TENM4: variants seen among roughly 807,000 people sequenced by gnomAD.
TENM4 encodes the protein teneurin-4.
A neutral mutation model predicts 243.3 loss-of-function variants in TENM4; 82 were observed. The ratio of observed to expected loss-of-function variants is 0.34; its 90% CI spans 0.28 to 0.40. The LOEUF is 0.40. Among genes scored for constraint, TENM4 ranks in the 10% least tolerant of loss-of-function variants. TENM4 has a pLI of 1.00. For synonymous variants in TENM4, 1,412 were observed against 1,456.3 expected, an observed-to-expected ratio of 0.97 and a Z score of 0.69; for missense variants, 3,138 against 3,673.3, an observed-to-expected ratio of 0.85 and a Z score of 3.77.
At chr11:78,990,952 C>T (rs1233378836) in intron 6 of TENM4, among the ~76,000 whole-genome samples, 1 of 152,170 alleles carries the variant, frequency 6.6e-6, no homozygotes, top group Non-Finnish European at 1.5e-5. Context: ...CAATAATGTT[C>T]TGCATCTGAA....
intron 3 of TENM4, among the ~76,000 whole-genome samples, chr11:79,167,893 A>C (rs1044985178): frequency 1.3e-5 from 2 of 152,246 alleles, no homozygotes; most frequent in Non-Finnish European, 2.9e-5. Flanking sequence ...GAGATTTAAA[A>C]AAATGAGTCA....
rs1859422019 is a variant in TENM4 at position 78,712,504 on chromosome 11, T to C, written c.4032A>G (p.Glu1344=). 6.2e-7 allele frequency: 1 copy of C among 1,613,982 alleles called. No homozygotes were observed. The highest frequency in any genetic ancestry group is 1.3e-5 in the African/African-American group (1 of 75,042). Residue 1344 remains glutamate (E), a synonymous_variant, in exon 26 of 34, where the codon GAA becomes GAG. Coordinates refer to ENST00000278550, the MANE Select transcript of TENM4 (RefSeq NM_001098816.3). ...TRCGDGGKAT[E]ATLTNPRGIT... ...TACCCCTGGGATTGGTGAGTGTGGC[T>C]TCTGTGGCCTTCCCACCATCCCCGC...
At chr11:79,035,182 T>G (rs1859346237) in intron 6 of TENM4, among the ~76,000 whole-genome samples, 1 of 152,190 alleles carries the variant, frequency 6.6e-6, no homozygotes, top group South Asian at 2.1e-4. Flanking sequence ...TCCCTTAACC[T>G]TGGGCAAGTT....
At chr11:78,902,629 T>C (rs974900159) in intron 7 of TENM4, among the ~76,000 whole-genome samples, 5 of 152,226 alleles carry the variant, frequency 3.3e-5, no homozygotes, top group African/African-American at 1.2e-4. Context: ...ATTATCATCC[T>C]AATACCCACT....
chr11:78,873,525 G>C (rs1225291433), intron 9 of TENM4, among the ~76,000 whole-genome samples: 2 of 152,162 alleles, frequency 1.3e-5, no homozygotes, highest in Admixed American at 1.3e-4. Context: ...ACCAAATTCA[G>C]ATCTGAGTTA....
chr11:78,957,929 A>C (rs1044955594), intron 6 of TENM4, among the ~76,000 whole-genome samples: 2 of 152,226 alleles, frequency 1.3e-5, no homozygotes, highest in African/African-American at 4.8e-5. Flanking sequence ...TACTAAGGAG[A>C]AGACAAAAGT....
rs78852631 is a variant in TENM4 at position 78,888,222 on chromosome 11, T to C, written c.1084+1563A>G. ...TCAATATTCTCCATTTCTGTGACCA[T>C]AACAGACATCACTAATCAATCACAG... On this transcript the variant is annotated intron_variant, in intron 9 of 33. Transcript: ENST00000278550. 4.5e-4 allele frequency among the ~76,000 whole-genome samples: 69 copies of C among 152,352 alleles called. 1 individual carries two copies. In the East Asian group the frequency reaches 0.012, roughly 27 times the overall value.
intron 1 of TENM4, among the ~76,000 whole-genome samples, chr11:79,439,541 A>T (rs1244027237): frequency 6.6e-6 from 1 of 152,104 alleles, no homozygotes; most frequent in Admixed American, 6.5e-5. Context: ...GGGCAGGCAG[A>T]GAAGGGGCGG....
chr11:79,212,946 T>C (rs1309193073), intron 3 of TENM4, among the ~76,000 whole-genome samples: 2 of 152,136 alleles, frequency 1.3e-5, no homozygotes, highest in Non-Finnish European at 2.9e-5. Context: ...CAGATGCTGT[T>C]CTGGTCCACT....
chr11:79,334,322 G>A (rs1348305095), intron 1 of TENM4, among the ~76,000 whole-genome samples: 3 of 152,158 alleles, frequency 2.0e-5, no homozygotes, highest in Admixed American at 1.3e-4. Context: ...CTGGATTGAG[G>A]CTGAGTGCCC....
intron 2 of TENM4, among the ~76,000 whole-genome samples, chr11:79,269,873 G>C (rs764421250): frequency 3.3e-5 from 5 of 152,170 alleles, no homozygotes; most frequent in Non-Finnish European, 7.3e-5. Context: ...TGATTTTAGA[G>C]TGTCTTTTAT....
At chr11:79,138,167 A>G (rs1486750105) in intron 4 of TENM4, among the ~76,000 whole-genome samples, 4 of 150,668 alleles carry the variant, frequency 2.7e-5, no homozygotes, top group African/African-American at 9.8e-5. Context: ...TCTTTCTCTC[A>G]TGCTGGATGC....
rs1382191791 is a variant in TENM4, at chr11:79,192,064, A to G, written c.-163+23744T>C. On this transcript the variant is annotated intron_variant, in intron 3 of 33. Coordinates refer to ENST00000278550, the MANE Select transcript of TENM4 (RefSeq NM_001098816.3). Reference sequence around the variant, plus strand: ...TGCCCAGCCAGGAGCCCCTCTGCCCAGCCAGCCGTCCCGTCCGGGAGGGAG... The same window carrying G: ...TGCCCAGCCAGGAGCCCCTCTGCCCGGCCAGCCGTCCCGTCCGGGAGGGAG... Among the ~76,000 whole-genome samples, 3 of 139,438 alleles carry G rather than the reference A, an allele frequency of 2.2e-5. No homozygotes were observed. In the South Asian group the frequency reaches 7.4e-4, roughly 34 times the overall value. The allele number at this position is 139,438 out of a possible 152,430, so 91.5% of individuals were successfully genotyped here. A position where few individuals can be genotyped will look rare whatever the true frequency, so the allele number is the denominator to read the frequency against.
At chr11:78,751,636 T>G (rs923796465) in intron 19 of TENM4, among the ~76,000 whole-genome samples, 2 of 152,178 alleles carry the variant, frequency 1.3e-5, no homozygotes, top group Admixed American at 1.3e-4. Flanking sequence ...CTGTCCAGCA[T>G]CGGCAACCTG....
chr11:78,830,030 G>A (rs1055253583), intron 12 of TENM4, among the ~76,000 whole-genome samples: 5 of 152,086 alleles, frequency 3.3e-5, no homozygotes, highest in South Asian at 2.1e-4. Context: ...TGTTTCTTCC[G>A]CCTACACCAC....
At chr11:79,189,792 G>A (rs1223642329) in intron 3 of TENM4, among the ~76,000 whole-genome samples, 13 of 152,244 alleles carry the variant, frequency 8.5e-5, no homozygotes, top group Admixed American at 8.5e-4. Flanking sequence ...AGAGAGGCCT[G>A]AGAGCGCAAC....
At chr11:79,102,509 C>T (rs148791816) in intron 4 of TENM4, among the ~76,000 whole-genome samples, 4 of 152,304 alleles carry the variant, frequency 2.6e-5, no homozygotes, top group Non-Finnish European at 4.4e-5. Flanking sequence ...TGAAAAATGA[C>T]CCACAGCCTT....
In TENM4 at chr11:79,139,813, T is replaced by TA. The variant is rs1491528560; in HGVS notation, c.-66+8896_-66+8897insT. Among the ~76,000 whole-genome samples, 10 of 87,930 alleles carry TA rather than the reference T, an allele frequency of 1.1e-4. No individual in the cohort carries two copies. In the East Asian group the frequency reaches 1.3e-3, roughly 12 times the overall value. The allele number at this position is 87,930 out of a possible 152,430, so 57.7% of individuals were successfully genotyped here. On this transcript the variant is annotated intron_variant, in intron 4 of 33. Coordinates refer to ENST00000278550, the MANE Select transcript of TENM4 (RefSeq NM_001098816.3). The stretch of plus-strand genomic sequence containing the variant: ...TATTTATATAAATATATAATATATA[T>TA]TTTATATTTATATATAATACATAGA...
intron 20 of TENM4, among the ~76,000 whole-genome samples, chr11:78,734,005 A>G (rs1023772578): frequency 1.3e-5 from 2 of 152,156 alleles, no homozygotes; most frequent in Non-Finnish European, 2.9e-5. Flanking sequence ...CCTGGTCAAC[A>G]TGCTAAAACC....
Sources: gnomAD v4.1 joint callset for allele counts (sites outside exome capture counted in the v4.1 genomes callset) on GRCh38, gnomAD v4.1.1 for gene constraint, MANE v1.5 for transcripts, NCBI Gene and HGNC (gene_info 2026-07-23, HGNC 2026-07-21) for gene names.